The following COL12A1 variants were observed in gnomAD, a reference collection of about 807,000 sequenced individuals.
COL12A1 encodes collagen alpha-1(XII) chain.
In COL12A1, 114 loss-of-function variants were observed where a neutral mutation model predicts 349.7. The ratio of observed to expected loss-of-function variants is 0.33; its 90% CI spans 0.28 to 0.38. The LOEUF is 0.38. Ranked by LOEUF, COL12A1 falls within the 10% of genes least tolerant of loss-of-function variation. COL12A1 has a pLI of 1.00. For synonymous variants in COL12A1, 1,369 were observed against 1,329.0 expected (o/e 1.03, Z -0.66); for missense variants, 3,284 against 3,756.9 (o/e 0.87, Z 3.29).
At chr6:75,204,494 G>T (rs1335038904) in intron 1 of COL12A1, among the ~76,000 whole-genome samples, 1 of 152,096 alleles carries the variant, frequency 6.6e-6, no homozygotes, top group South Asian at 2.1e-4. Context: ...CAAGCATCCC[G>T]TCAATATATG....
chr6:75,129,178 T>C (rs1017055131), intron 37 of COL12A1, among the ~76,000 whole-genome samples: 17 of 152,214 alleles, frequency 1.1e-4, no homozygotes, highest in African/African-American at 4.1e-4. Context: ...TTTCTCTGCT[T>C]TGGCAAACTA....
chr6:75,128,597 T>C (rs1766138509), intron 37 of COL12A1, among the ~76,000 whole-genome samples, 172 bp from the exon 38 acceptor site: 1 of 152,166 alleles, frequency 6.6e-6, no homozygotes, highest in South Asian at 2.1e-4. Context: ...CTCTGCAGCA[T>C]AGGAGAGTGG....
chr6:75,202,883 G>A (rs1770603933), intron 1 of COL12A1, 56 bp from the exon 2 acceptor site: 2 of 1,198,368 alleles, frequency 1.7e-6, no homozygotes, highest in Non-Finnish European at 2.4e-6. Flanking sequence ...CCTTGAACCA[G>A]GTTAGAACTG....
In COL12A1 at chr6:75,183,370, G is replaced by C. The variant is rs777958647; in HGVS notation, c.1571C>G (p.Thr524Ser). Residue 524 changes from threonine (T) to serine (S), a missense_variant, in exon 10 of 66, where the codon ACT becomes AGT. This residue lies in a region of COL12A1 where 2,601 missense variants were observed against 2,824.8 expected (regional missense o/e 0.92). Coordinates refer to ENST00000322507, the MANE Select transcript of COL12A1 (RefSeq NM_004370.6). ...GGSTNTGKAMTYVREKIFVPS... is the reference protein window; with the variant it reads ...GGSTNTGKAMSYVREKIFVPS... ...CACAAATATTTTCTCTCTGACATAA[G>C]TCATTGCTTTGCCAGTATTTGTAGA... 1.2e-6 allele frequency: 2 copies of C among 1,614,158 alleles called. No homozygotes were observed. Among genetic ancestry groups the C allele is most frequent in the South Asian group, 1.1e-5 (1 of 91,086 alleles).
At chr6:75,112,456 A>G (rs1001043378) in intron 51 of COL12A1, among the ~76,000 whole-genome samples, 1 of 151,664 alleles carries the variant, frequency 6.6e-6, no homozygotes, top group African/African-American at 2.4e-5. Context: ...TAACTTCAGT[A>G]TTTTCTAAGT....
chr6:75,162,266 G>A (rs1228877713), intron 14 of COL12A1, among the ~76,000 whole-genome samples: 1 of 152,118 alleles, frequency 6.6e-6, no homozygotes, highest in Admixed American at 6.5e-5. Flanking sequence ...GAAGGCTACA[G>A]TAACAAAAAC....
At chr6:75,185,457 T>C (rs1582201046) in intron 8 of COL12A1, among the ~76,000 whole-genome samples, 1 of 152,252 alleles carries the variant, frequency 6.6e-6, no homozygotes, top group East Asian at 1.9e-4. Context: ...TACAAACCAC[T>C]GCTCAAAGAA....
chr6:75,183,090 G>A lies in COL12A1; in HGVS notation c.1851C>T (p.Cys617=), dbSNP rs1260282257. ...CTGCCAATTCTTGCTCAATTCTAAGGCAGATAGACTGTGTGAGTTCAAAAG... is the reference window on the plus strand; with the variant it reads ...CTGCCAATTCTTGCTCAATTCTAAGACAGATAGACTGTGTGAGTTCAAAAG... The part of the protein sequence containing the change: ...RISFELTQSI[C]LRIEQELAAI... Residue 617 remains cysteine (C), a synonymous_variant, in exon 10 of 66, where the codon TGC becomes TGT. Transcript: ENST00000322507. 6.2e-7 allele frequency: 1 copy of A among 1,613,864 alleles called. No homozygotes were observed.
At position 75,103,749 on chromosome 6, in the gene COL12A1, A is replaced by G. The variant is rs761290084; in HGVS notation, c.8319+8T>C. The stretch of plus-strand genomic sequence containing the variant: ...TAAGAATTTAAATGCACTCTAAAAT[A>G]TACTTACAATTGCCCCACTGATACC... On this transcript the variant is annotated splice_region_variant and intron_variant, in intron 55 of 65. Transcript: ENST00000322507. 3.7e-6 allele frequency: 6 copies of G among 1,611,622 alleles called. No individual in the cohort carries two copies. The African/African-American group carries it at 8.0e-5, about 22-fold the overall frequency.
chr6:75,137,315 A>G (rs1194296344), intron 31 of COL12A1, 122 bp downstream of exon 31: 3 of 884,786 alleles, frequency 3.4e-6, no homozygotes, highest in Non-Finnish European at 5.0e-6. Flanking sequence ...TATTCCATCC[A>G]ATGCGATAAA....
At chr6:75,183,819 A>G in intron 9 of COL12A1, 35 bp downstream of exon 9, 2 of 1,605,234 alleles carry the variant, frequency 1.2e-6, no homozygotes, top group Non-Finnish European at 1.7e-6. Context: ...AGATCTTCAC[A>G]TATTCCAAAT....
chr6:75,137,279 G>A (rs555126384), intron 31 of COL12A1, among the ~76,000 whole-genome samples, 158 bp downstream of exon 31: 27 of 152,138 alleles, frequency 1.8e-4, no homozygotes, highest in Non-Finnish European at 3.4e-4. Flanking sequence ...GGCAATCCAC[G>A]TGGAGTGCCA....
rs771868998 is a variant in COL12A1, at chr6:75,089,214, A to G, written c.8942-40T>C. The G allele has an allele frequency of 7.1e-6, 10 of 1,415,028 alleles. No individual in the cohort carries two copies. The African/African-American group carries it at 8.8e-5, about 12-fold the overall frequency. The allele number at this position is 1,415,028 out of a possible 1,614,324, so 87.7% of individuals were successfully genotyped here. On this transcript the variant is annotated intron_variant, in intron 63 of 65. Coordinates refer to ENST00000322507, the MANE Select transcript of COL12A1 (RefSeq NM_004370.6). ...AAAGAGAAAGCACAGGGGAAAAATTATCTGGAAGCATGTAATTTTCATCTT... is the reference window on the plus strand; with the variant it reads ...AAAGAGAAAGCACAGGGGAAAAATTGTCTGGAAGCATGTAATTTTCATCTT...
chr6:75,085,173 G>C lies in COL12A1; in HGVS notation c.*1374C>G. 2.2e-6 allele frequency: 1 copy of C among 458,810 alleles called. No individual in the cohort carries two copies. The highest frequency in any genetic ancestry group is 4.5e-6 in the Non-Finnish European group (1 of 222,234). 28.4% of individuals were successfully genotyped at this position (458,810 alleles called of 1,614,324 possible). On this transcript the variant is annotated 3_prime_UTR_variant, in exon 66 of 66. Transcript: ENST00000322507. ...ACACCTCCCCCAAGCCTCGCGGCGC[G>C]GCGCGTGATCTCTGGTTCACTGCCC... is the stretch of plus-strand genomic sequence containing the variant.
chr6:75,133,449 A>G, intron 33 of COL12A1, 27 bp from the exon 34 acceptor site: 1 of 1,589,012 alleles, frequency 6.3e-7, no homozygotes, highest in Non-Finnish European at 8.5e-7. Context: ...AACAAAAAGC[A>G]TTGACTTGAA....
chr6:75,124,193 C>T, intron 41 of COL12A1, 62 bp downstream of exon 41: 2 of 1,594,008 alleles, frequency 1.3e-6, no homozygotes, highest in Non-Finnish European at 1.7e-6. Context: ...ATCTTCTTTA[C>T]TGAAATTTAA....
intron 14 of COL12A1, among the ~76,000 whole-genome samples, chr6:75,157,892 T>A (rs1562245550): frequency 6.6e-6 from 1 of 152,106 alleles, no homozygotes; most frequent in Non-Finnish European, 1.5e-5. Context: ...AGGGAGATCA[T>A]GTAGGATATT....
chr6:75,131,812 C>T (rs1766311946), intron 35 of COL12A1, 128 bp downstream of exon 35: 1 of 1,070,896 alleles, frequency 9.3e-7, no homozygotes, highest in African/African-American at 1.6e-5. Context: ...CTCAAGTCAT[C>T]AAAAACAATA....
In COL12A1 at chr6:75,143,356, T is replaced by C. The variant is rs1490798316; in HGVS notation, c.4723A>G (p.Arg1575Gly). ...PLPRPQDLKL[R>G]DVTHSTMNVF... ...TTCATAGTGCTGTGAGTCACATCTCTGAGTTTCAGATCCTGAGGTCTGGGT... is the reference window on the plus strand; with the variant it reads ...TTCATAGTGCTGTGAGTCACATCTCCGAGTTTCAGATCCTGAGGTCTGGGT... Residue 1575 changes from arginine to glycine, a missense_variant, in exon 26 of 66, where the codon AGA becomes GGA. This residue lies in a region of COL12A1 where 2,601 missense variants were observed against 2,824.8 expected (regional missense o/e 0.92). Coordinates refer to ENST00000322507, the MANE Select transcript of COL12A1 (RefSeq NM_004370.6). 6.2e-7 allele frequency: 1 copy of C among 1,613,844 alleles called. No individual in the cohort carries two copies. Among genetic ancestry groups the C allele is most frequent in the Non-Finnish European group, 8.5e-7 (1 of 1,179,946 alleles).
Sources: gnomAD v4.1 joint callset for allele counts (sites outside exome capture counted in the v4.1 genomes callset) on GRCh38, gnomAD v4.1.1 for gene constraint, gnomAD v4.1.1 regional missense constraint, MANE v1.5 for transcripts, NCBI Gene and HGNC (gene_info 2026-07-23, HGNC 2026-07-21) for gene names.